Variants in HMG20B observed in about 807,000 individuals in gnomAD.
HMG20B encodes the protein high mobility group 20B.
Under a neutral mutation model 41.6 loss-of-function variants are expected in HMG20B, and 24 were observed. The ratio of observed to expected loss-of-function variants is 0.58; its 90% CI spans 0.42 to 0.81. The LOEUF is 0.81. Among genes scored for constraint, HMG20B ranks in the 30% least tolerant of loss-of-function variants. HMG20B has a pLI of 0.00. For missense variants in HMG20B, 461 were observed against 444.0 expected (o/e 1.04, Z -0.34); for synonymous variants, 251 against 186.6 (o/e 1.34, Z -2.81).
At chr19:3,577,808 C>A (rs531459504) in intron 8 of HMG20B, among the ~76,000 whole-genome samples, 173 bp from the exon 9 acceptor site, 6 of 151,652 alleles carry the variant, frequency 4.0e-5, no homozygotes, top group Admixed American at 1.3e-4. Flanking sequence ...CCGTCCTCGC[C>A]ATCCTCCTGC....
rs1308827464 is a variant in HMG20B, at chr19:3,574,222, C to G, written c.148-161C>G. 4.5e-6 allele frequency: 3 copies of G among 670,542 alleles called. No homozygotes were observed. The South Asian group carries it at 5.4e-5, about 12-fold the overall frequency. The allele number at this position is 670,542 out of a possible 1,614,324, so 41.5% of individuals were successfully genotyped here. A position where few individuals can be genotyped will look rare whatever the true frequency, so the allele number is the denominator to read the frequency against. The stretch of plus-strand genomic sequence containing the variant: ...GGGATCCCTCTAACCCACCGTGTCC[C>G]GACTGCTGACCGGGCCCTACCTCCA... On this transcript the variant is annotated intron_variant, in intron 3 of 9. Coordinates refer to ENST00000333651, the MANE Select transcript of HMG20B (RefSeq NM_006339.3).
intron 7 of HMG20B, 80 bp downstream of exon 7, chr19:3,576,705 A>G (rs1050729933): frequency 4.3e-6 from 6 of 1,380,224 alleles, no homozygotes; most frequent in South Asian, 1.2e-5. Flanking sequence ...GGGCCCCAAG[A>G]CTGCAGGAGG....
chr19:3,573,706 A>C lies in HMG20B; in HGVS notation c.53A>C (p.Lys18Thr). The change falls in exon 3 of 10, where the codon AAG (lysine) becomes ACG (threonine). Residue 18 changes from lysine (K) to threonine (T), a missense_variant. This residue lies in a region of HMG20B where 104 missense variants were observed against 76.5 expected (regional missense o/e 1.36). Transcript: ENST00000333651. The part of the protein sequence containing the change: ...PGAAAAPAGG[K>T]APGQHGGFVV... ...CTTGGCTCCAGGCCGGCGGGCGGCA[A>C]GGCTCCGGGCCAGCATGGGGGCTTC... 6.7e-7 allele frequency: 1 copy of C among 1,502,438 alleles called. No homozygotes were observed. Among genetic ancestry groups the C allele is most frequent in the Non-Finnish European group, 8.8e-7 (1 of 1,130,730 alleles). 93.1% of individuals were successfully genotyped at this position (1,502,438 alleles called of 1,614,324 possible). A position where few individuals can be genotyped will look rare whatever the true frequency, so the allele number is the denominator to read the frequency against.
intron 9 of HMG20B, 29 bp from the exon 10 acceptor site, chr19:3,578,480 T>C: frequency 6.6e-7 from 1 of 1,511,132 alleles, no homozygotes; most frequent in Non-Finnish European, 8.9e-7. Flanking sequence ...GATGAGGGCC[T>C]CATCCCGGGC....
At chr19:3,576,664 A>C (rs1236921090) in intron 7 of HMG20B, 39 bp downstream of exon 7, 1 of 1,573,538 alleles carries the variant, frequency 6.4e-7, no homozygotes, top group Non-Finnish European at 8.7e-7. Context: ...ACTCCGTGAA[A>C]CTGGGTGGTA....
At chr19:3,578,212 G>C in intron 9 of HMG20B, 99 bp downstream of exon 9, 1 of 1,488,910 alleles carries the variant, frequency 6.7e-7, no homozygotes, top group Non-Finnish European at 9.1e-7. Context: ...GTGGGACTCC[G>C]CAGCTTACTA....
intron 3 of HMG20B, 130 bp downstream of exon 3, chr19:3,573,930 C>T (rs943724243): frequency 3.4e-6 from 3 of 884,238 alleles, no homozygotes; most frequent in Admixed American, 4.0e-5. Flanking sequence ...GCTGAGACCC[C>T]GCCCCGTGCC....
chr19:3,574,590 G>C lies in HMG20B; in HGVS notation c.351+4G>C. ...GCTGCAGCCAACGGAAAAGCAGGTG[G>C]GCGGGGCGGGGCGCCGAGCAGGGCT... On this transcript the variant is annotated splice_donor_region_variant and intron_variant, in intron 4 of 9. Coordinates refer to ENST00000333651, the MANE Select transcript of HMG20B (RefSeq NM_006339.3). 1 of 1,583,170 alleles carries C rather than the reference G, an allele frequency of 6.3e-7. No homozygotes were observed. The highest frequency in any genetic ancestry group is 8.6e-7 in the Non-Finnish European group (1 of 1,167,768).
intron 4 of HMG20B, 130 bp from the exon 5 acceptor site, chr19:3,575,410 C>A: frequency 6.9e-7 from 1 of 1,441,322 alleles, no homozygotes. Flanking sequence ...CCGGTTCTGT[C>A]TGCCTGGAGG....
chr19:3,574,321 C>A, intron 3 of HMG20B, 62 bp from the exon 4 acceptor site: 1 of 1,456,584 alleles, frequency 6.9e-7, no homozygotes, highest in Non-Finnish European at 9.4e-7. Context: ...CCGCCCATGC[C>A]CCTCTGAGCC....
intron 3 of HMG20B, 190 bp from the exon 4 acceptor site, chr19:3,574,193 G>T: frequency 3.2e-6 from 2 of 619,504 alleles, no homozygotes; most frequent in Non-Finnish European, 5.7e-6. Context: ...CTCACCCCTG[G>T]CCAGGGATCC....
intron 3 of HMG20B, chr19:3,574,119 C>G: frequency 1.6e-6 from 1 of 624,172 alleles, no homozygotes; most frequent in Non-Finnish European, 2.9e-6. Flanking sequence ...GCAGAGGCCA[C>G]GCCCACAACC....
At position 3,574,578 on chromosome 19, in the gene HMG20B, G is replaced by C. The variant is rs565266770; in HGVS notation, c.343G>C (p.Glu115Gln). ...GAEWSKLQPT[E>Q]KQRYLDEAER... ...CGAGTGGAGCAAGCTGCAGCCAACG[G>C]AAAAGCAGGTGGGCGGGGCGGGGCG... Residue 115 changes from glutamate (E) to glutamine (Q), a missense_variant, in exon 4 of 10, where the codon GAA (glutamate) becomes CAA (glutamine). Glu to Gln is a conservative substitution (Grantham distance 29). Transcript: ENST00000333651. The C allele has an allele frequency of 3.9e-4, 621 of 1,598,446 alleles. 3 individuals carry two copies. In the South Asian group the frequency reaches 6.7e-3, roughly 17 times the overall value.
rs752544401 is a variant in HMG20B, at chr19:3,578,516, C to T, written c.949C>T (p.Leu317=). 17 of 1,571,906 alleles carry T rather than the reference C, an allele frequency of 1.1e-5. No homozygotes were observed. In the African/African-American group the frequency reaches 2.0e-4, roughly 19 times the overall value. Residue 317 remains leucine, a synonymous_variant, in exon 10 of 10, where the codon CTG becomes TTG. Coordinates refer to ENST00000333651, the MANE Select transcript of HMG20B (RefSeq NM_006339.3). The part of the protein sequence containing the change: ...EILAQVASEH[L] ...CCTCCTCTCTCGTTTCAGCGAGCACCTGTGAGGAGTGGGCGGGCCCACGAT... is the reference window on the plus strand; with the variant it reads ...CCTCCTCTCTCGTTTCAGCGAGCACTTGTGAGGAGTGGGCGGGCCCACGAT...
At chr19:3,575,518 GC>G in intron 4 of HMG20B, 21 bp from the exon 5 acceptor site, 1 of 1,561,012 alleles carries the variant, frequency 6.4e-7, no homozygotes, top group Non-Finnish European at 8.7e-7. Flanking sequence ...CCTGCTTCAA[GC>G]CTTCTGGTGC....
intron 5 of HMG20B, 26 bp downstream of exon 5, chr19:3,575,686 C>T: frequency 6.5e-7 from 1 of 1,540,936 alleles, no homozygotes; most frequent in Non-Finnish European, 8.8e-7. Flanking sequence ...CGCGGTGGCT[C>T]ACGCCTGTCA....
chr19:3,575,603 C>T lies in HMG20B; in HGVS notation c.415C>T (p.Gln139Ter). The change falls in exon 5 of 10, where the codon CAG becomes TAG. Residue 139 changes from glutamine (Q) to a stop codon, truncating the protein, a stop_gained. Transcript: ENST00000333651. LOFTEE classifies it high-confidence loss of function. ...CATGAAGGAGCTGCGGGCGTACCAG[C>T]AGTCTGAAGCCTATAAGATGTGCAC... Reference protein sequence around the residue: ...QYMKELRAYQQSEAYKMCTEK... With the variant: ...QYMKELRAYQ 6.4e-7 allele frequency: 1 copy of T among 1,553,448 alleles called. No homozygotes were observed. The highest frequency in any genetic ancestry group is 8.7e-7 in the Non-Finnish European group (1 of 1,148,272).
Position 3,574,373 on chromosome 19 carries a change from G to T in HMG20B, c.148-10G>T, listed in dbSNP as rs373840178. The T allele has an allele frequency of 5.1e-6, 7 of 1,373,488 alleles. No homozygotes were observed. The highest frequency in any genetic ancestry group is 6.8e-6 in the Non-Finnish European group (7 of 1,035,272). 85.1% of individuals were successfully genotyped at this position (1,373,488 alleles called of 1,614,324 possible). A position where few individuals can be genotyped will look rare whatever the true frequency, so the allele number is the denominator to read the frequency against. On this transcript the variant is annotated splice_polypyrimidine_tract_variant and intron_variant, in intron 3 of 9. Coordinates refer to ENST00000333651, the MANE Select transcript of HMG20B (RefSeq NM_006339.3). ...GGCCCCCCTCCCAACGACGCAGCCC[G>T]GTTCTGCAGCCGGTGAAGAAACGCG...
chr19:3,577,181 C>A (rs906618818), intron 8 of HMG20B, 74 bp downstream of exon 8: 21 of 1,089,452 alleles, frequency 1.9e-5, no homozygotes, highest in Non-Finnish European at 2.6e-5. Context: ...CTCCTCCCTT[C>A]CCCCCTTCCC....
Sources: allele counts gnomAD v4.1 joint callset (sites outside exome capture counted in the v4.1 genomes callset), GRCh38; gene constraint gnomAD v4.1.1; regional missense constraint gnomAD v4.1.1; transcripts MANE v1.5; gene names NCBI Gene and HGNC (gene_info 2026-07-23, HGNC 2026-07-21).